Variants in SLCO4C1 observed in about 807,000 individuals in gnomAD.
SLCO4C1 encodes the protein solute carrier organic anion transporter family member 4C1, also known as organic anion transporter M1.
Under a neutral mutation model 72.1 loss-of-function variants are expected in SLCO4C1, and 58 were observed. The ratio of observed to expected loss-of-function variants is 0.80; its 90% CI spans 0.65 to 1.00. The LOEUF is 1.00. Among genes scored for constraint, SLCO4C1 ranks in the 50% least tolerant of loss-of-function variants. The probability of loss-of-function intolerance (pLI) is 0.00; values close to 1 mark genes in which losing one functional copy is unlikely to be tolerated. For missense variants in SLCO4C1, 898 were observed against 857.9 expected (o/e 1.05, Z -0.58); for synonymous variants, 297 against 312.5 (o/e 0.95, Z 0.52).
Position 102,249,568 on chromosome 5 carries a change from C to T in SLCO4C1, c.1620+70G>A, listed in dbSNP as rs989575388. The T allele has an allele frequency of 2.6e-6, 4 of 1,539,020 alleles. No homozygotes were observed. In the African/African-American group the frequency reaches 4.1e-5, roughly 16 times the overall value. On this transcript the variant is annotated intron_variant, in intron 9 of 12. Coordinates refer to ENST00000310954, the MANE Select transcript of SLCO4C1 (RefSeq NM_180991.5). ...AGGCAAGAATAGGCATTGCATAACC[C>T]CATTAGAGAAGTCAAGATAATCCAC...
intron 6 of SLCO4C1, among the ~76,000 whole-genome samples, chr5:102,259,480 T>G (rs1748897375): frequency 6.6e-6 from 1 of 152,060 alleles, no homozygotes; most frequent in Non-Finnish European, 1.5e-5. Flanking sequence ...AGTTGAAAGA[T>G]GGGCTGAGTG....
chr5:102,257,857 G>C, intron 7 of SLCO4C1, 86 bp downstream of exon 7: 1 of 1,231,598 alleles, frequency 8.1e-7, no homozygotes, highest in South Asian at 1.4e-5. Flanking sequence ...ATTTCAAGGA[G>C]GGCTACCTCA....
chr5:102,257,568 T>C (rs937791762), intron 7 of SLCO4C1, among the ~76,000 whole-genome samples: 1 of 152,072 alleles, frequency 6.6e-6, no homozygotes, highest in Non-Finnish European at 1.5e-5. Flanking sequence ...TACAAAAGAT[T>C]GCCTAATGTC....
intron 8 of SLCO4C1, among the ~76,000 whole-genome samples, chr5:102,253,804 CAA>C (rs5870017): frequency 9.8e-4 from 140 of 143,376 alleles, no homozygotes; most frequent in Non-Finnish European, 9.3e-4. Flanking sequence ...GACTCTATCT[CAA>C]AAAAAAAAAA....
In SLCO4C1 at chr5:102,239,245, A is replaced by T. The variant is rs1748493325; in HGVS notation, c.2014+6T>A. 6.4e-7 allele frequency: 1 copy of T among 1,553,690 alleles called. No individual in the cohort carries two copies. The highest frequency in any genetic ancestry group is 1.4e-5 in the African/African-American group (1 of 71,530). On this transcript the variant is annotated splice_donor_region_variant and intron_variant, in intron 12 of 12. Coordinates refer to ENST00000310954, the MANE Select transcript of SLCO4C1 (RefSeq NM_180991.5). ...ACTCTAAAATTATCAAGAAGTCACC[A>T]CTTACTTATGGCTACTAGCATATGG...
chr5:102,295,412 T>C (rs1168081703), intron 1 of SLCO4C1, among the ~76,000 whole-genome samples: 1 of 152,176 alleles, frequency 6.6e-6, no homozygotes. Flanking sequence ...AATGTCTGTA[T>C]CTAATTTATA....
chr5:102,247,328 T>C lies in SLCO4C1; in HGVS notation c.1735A>G (p.Ile579Val). The change falls in exon 10 of 13, where the codon ATA (isoleucine) becomes GTA (valine). Residue 579 changes from isoleucine (I) to valine (V), a missense_variant. Ile to Val is a conservative substitution (Grantham distance 29). Coordinates refer to ENST00000310954, the MANE Select transcript of SLCO4C1 (RefSeq NM_180991.5). ...ACAATAAAGAAAATGCAAAGGAATA[T>C]GGGCAGTTTCGCACAATGAGTTTCA... ...KCETHCAKLPIFLCIFFIVII... is the reference protein window; with the variant it reads ...KCETHCAKLPVFLCIFFIVII... 3 of 1,596,936 alleles carry C rather than the reference T, an allele frequency of 1.9e-6. No individual in the cohort carries two copies. The highest frequency in any genetic ancestry group is 1.7e-6 in the Non-Finnish European group (2 of 1,167,528).
chr5:102,292,842 T>C (rs1366929676), intron 1 of SLCO4C1, among the ~76,000 whole-genome samples: 3 of 152,020 alleles, frequency 2.0e-5, no homozygotes, highest in African/African-American at 4.8e-5. Context: ...TTAGGTATGA[T>C]AAATTGTTTT....
intron 2 of SLCO4C1, among the ~76,000 whole-genome samples, chr5:102,284,650 CTCAT>C (rs1749416310): frequency 1.3e-5 from 2 of 151,320 alleles, no homozygotes; most frequent in Admixed American, 1.3e-4. Flanking sequence ...TTTTTCCAAA[CTCAT>C]TCAACCATTG....
At chr5:102,239,801 G>A (rs1204375489) in intron 11 of SLCO4C1, among the ~76,000 whole-genome samples, 2 of 152,028 alleles carry the variant, frequency 1.3e-5, no homozygotes, top group Non-Finnish European at 2.9e-5. Flanking sequence ...GGGTGTGCAT[G>A]TGTATATAAA....
chr5:102,287,894 C>T (rs1441834447), intron 2 of SLCO4C1, among the ~76,000 whole-genome samples: 2 of 152,024 alleles, frequency 1.3e-5, no homozygotes, highest in Non-Finnish European at 2.9e-5. Flanking sequence ...TTCTAAATGT[C>T]TGAATTCCTT....
At chr5:102,263,591 C>T (rs1255316430) in intron 4 of SLCO4C1, 93 bp downstream of exon 4, 6 of 945,952 alleles carry the variant, frequency 6.3e-6, no homozygotes, top group Admixed American at 2.2e-5. Flanking sequence ...TCATGCTATA[C>T]TGAGGGAAGT....
rs749246488 is a variant in SLCO4C1 at position 102,261,932 on chromosome 5, C to A, written c.1001G>T (p.Cys334Phe). 1 of 1,610,622 alleles carries A rather than the reference C, an allele frequency of 6.2e-7. No individual in the cohort carries two copies. The highest frequency in any genetic ancestry group is 1.7e-5 in the Admixed American group (1 of 59,552). ...TTTACCTGGTAAATGTTTTGGAAAG[C>A]AAGAAAAAGGTATTATTAAAGACCA... is the stretch of plus-strand genomic sequence containing the variant. ...FAWSLIIPFS[C>F]FPKHLPGTAE... Residue 334 changes from cysteine to phenylalanine, a missense_variant, in exon 5 of 13, where the codon TGC becomes TTC. Cys to Phe is a radical substitution (Grantham distance 205). Coordinates refer to ENST00000310954, the MANE Select transcript of SLCO4C1 (RefSeq NM_180991.5).
chr5:102,260,221 C>T lies in SLCO4C1; in HGVS notation c.1120G>A (p.Ala374Thr). 4.5e-6 allele frequency: 6 copies of T among 1,331,774 alleles called. No individual in the cohort carries two copies. The highest frequency in any genetic ancestry group is 5.9e-6 in the Non-Finnish European group (6 of 1,011,332). The allele number at this position is 1,331,774 out of a possible 1,614,324, so 82.5% of individuals were successfully genotyped here. A position where few individuals can be genotyped will look rare whatever the true frequency, so the allele number is the denominator to read the frequency against. Residue 374 changes from alanine (A) to threonine (T), a missense_variant, in exon 6 of 13, where the codon GCT becomes ACT. Ala to Thr is a moderately conservative substitution (Grantham distance 58, BLOSUM62 0). Transcript: ENST00000310954. ...FGKSIKDFPA[A>T]LKNLMKNAVF... Reference sequence around the variant, plus strand: ...GAAGAATTTTATTTTACCTTTAGAGCAGCTGGAAAATCTTTAATACTTTTT... The same window carrying T: ...GAAGAATTTTATTTTACCTTTAGAGTAGCTGGAAAATCTTTAATACTTTTT...
chr5:102,260,225 T>C lies in SLCO4C1; in HGVS notation c.1116A>G (p.Pro372=). ...VKFGKSIKDF[P]AALKNLMKNA... ...AATTTTATTTTACCTTTAGAGCAGC[T>C]GGAAAATCTTTAATACTTTTTCCAA... Residue 372 remains proline (P), a synonymous_variant, in exon 6 of 13, where the codon CCA becomes CCG. Coordinates refer to ENST00000310954, the MANE Select transcript of SLCO4C1 (RefSeq NM_180991.5). 7.3e-7 allele frequency: 1 copy of C among 1,367,470 alleles called. No individual in the cohort carries two copies. The highest frequency in any genetic ancestry group is 9.6e-7 in the Non-Finnish European group (1 of 1,042,174). The allele number at this position is 1,367,470 out of a possible 1,614,324, so 84.7% of individuals were successfully genotyped here.
At chr5:102,285,760 T>C (rs1483219801) in intron 2 of SLCO4C1, among the ~76,000 whole-genome samples, 2 of 152,168 alleles carry the variant, frequency 1.3e-5, no homozygotes, top group Non-Finnish European at 2.9e-5. Context: ...TTATAGCTTC[T>C]AATCTAAAAA....
intron 3 of SLCO4C1, among the ~76,000 whole-genome samples, chr5:102,268,364 CTCTT>C (rs1749084341): frequency 1.3e-5 from 2 of 151,898 alleles, no homozygotes; most frequent in Non-Finnish European, 2.9e-5. Flanking sequence ...TATTCTTTGT[CTCTT>C]TCTTGTATTT....
chr5:102,264,240 A>C (rs1298217692), intron 3 of SLCO4C1, among the ~76,000 whole-genome samples: 1 of 152,118 alleles, frequency 6.6e-6, no homozygotes, highest in African/African-American at 2.4e-5. Flanking sequence ...CTATTTCTTA[A>C]AAGTAAGCCA....
At chr5:102,242,260 G>A (rs1335939456) in intron 10 of SLCO4C1, among the ~76,000 whole-genome samples, 2 of 152,234 alleles carry the variant, frequency 1.3e-5, no homozygotes, top group African/African-American at 4.8e-5. Context: ...TTGAAAGGCA[G>A]TCTAGGCCAT....
Sources: gnomAD v4.1 joint callset for allele counts (sites outside exome capture counted in the v4.1 genomes callset) on GRCh38, gnomAD v4.1.1 for gene constraint, MANE v1.5 for transcripts, NCBI Gene and HGNC (gene_info 2026-07-23, HGNC 2026-07-21) for gene names.